SLC25A26: variants seen among roughly 807,000 people sequenced by gnomAD.
The protein encoded by SLC25A26 is solute carrier family 25 member 26.
SLC25A26 carries 36 observed loss-of-function variants against 37.8 expected under a neutral mutation model. The ratio of observed to expected loss-of-function variants is 0.95; its 90% confidence interval spans 0.73 to 1.26. The LOEUF (loss-of-function observed/expected upper bound fraction) is 1.26, where lower values mean the gene tolerates loss of function less well. Ranked by LOEUF, SLC25A26 falls within the 50% of genes most tolerant of loss-of-function variation. The probability of loss-of-function intolerance (pLI) is 0.00; values close to 1 mark genes in which losing one functional copy is unlikely to be tolerated. For missense variants in SLC25A26, 390 were observed against 331.1 expected (o/e 1.18, Z -1.38); for synonymous variants, 129 against 122.5 (o/e 1.05, Z -0.35).
intron 5 of SLC25A26, among the ~76,000 whole-genome samples, chr3:66,296,041 C>A (rs555691700): frequency 1.3e-5 from 2 of 151,822 alleles, no homozygotes; most frequent in Non-Finnish European, 2.9e-5. Flanking sequence ...AGCTTGAACC[C>A]GGGAGGCGGA....
chr3:66,336,846 A>C (rs2076102256), intron 5 of SLC25A26, among the ~76,000 whole-genome samples: 1 of 152,134 alleles, frequency 6.6e-6, no homozygotes, highest in South Asian at 2.1e-4. Context: ...TAGAATTAGT[A>C]ATAGATTTTT....
intron 1 of SLC25A26, among the ~76,000 whole-genome samples, chr3:66,213,562 C>G (rs2071316844): frequency 6.6e-6 from 1 of 151,982 alleles, no homozygotes; most frequent in African/African-American, 2.4e-5. Flanking sequence ...CATGCACAGC[C>G]TATGACATTA....
At chr3:66,312,770 A>G (rs1294588044) in intron 5 of SLC25A26, among the ~76,000 whole-genome samples, 1 of 152,036 alleles carries the variant, frequency 6.6e-6, no homozygotes, top group Non-Finnish European at 1.5e-5. Context: ...CCTGGCCCCT[A>G]GTGCTTCTCG....
chr3:66,371,079 TC>T, intron 9 of SLC25A26: 1 of 1,372,256 alleles, frequency 7.3e-7, no homozygotes, highest in Non-Finnish European at 9.4e-7. Flanking sequence ...GCCTCAGACT[TC>T]TAGCTTCATG....
chr3:66,140,897 C>A (rs558170974), intron 1 of SLC25A26, among the ~76,000 whole-genome samples: 2 of 152,208 alleles, frequency 1.3e-5, no homozygotes, highest in African/African-American at 2.4e-5. Flanking sequence ...AAGTCCCTTG[C>A]AAGACTTTAG....
chr3:66,338,028 T>G (rs372750410), intron 5 of SLC25A26, among the ~76,000 whole-genome samples: 1 of 152,028 alleles, frequency 6.6e-6, no homozygotes, highest in South Asian at 2.1e-4. Context: ...GAAAGTTCTC[T>G]CATCTTCAGT....
chr3:66,370,631 C>A (rs778447177), intron 9 of SLC25A26, 29 bp downstream of exon 9: 1 of 1,583,424 alleles, frequency 6.3e-7, no homozygotes, highest in Admixed American at 1.7e-5. Context: ...TCCTTCCTTT[C>A]TTCCTCTCCA....
At chr3:66,328,981 A>G (rs6803475) in intron 5 of SLC25A26, among the ~76,000 whole-genome samples, 65,073 of 151,922 alleles carry the variant, frequency 0.43, 16,478 homozygotes, top group East Asian at 0.7. Flanking sequence ...TAAAAGTTTC[A>G]TTAGAATTAG....
intron 5 of SLC25A26, among the ~76,000 whole-genome samples, chr3:66,319,015 C>T (rs563885490): frequency 3.3e-5 from 5 of 152,120 alleles, no homozygotes; most frequent in Non-Finnish European, 5.9e-5. Flanking sequence ...GCTATACTTA[C>T]CAACTTTCAC....
At chr3:66,220,863 G>C (rs1559583286), upstream of SLC25A26, 3 of 579,458 alleles carry the variant, frequency 5.2e-6, no homozygotes, top group Non-Finnish European at 9.1e-6. Flanking sequence ...ACCGAGGTAA[G>C]GGATTTGCCG....
chr3:66,331,412 TAAAA>T (rs958510050), intron 5 of SLC25A26, among the ~76,000 whole-genome samples: 53 of 152,254 alleles, frequency 3.5e-4, no homozygotes, highest in African/African-American at 1.2e-3. Flanking sequence ...TAATACCCTT[TAAAA>T]AAATCCCATT....
At chr3:66,193,889 T>C (rs1396855823) in intron 1 of SLC25A26, among the ~76,000 whole-genome samples, 2 of 152,228 alleles carry the variant, frequency 1.3e-5, no homozygotes, top group East Asian at 3.8e-4. Flanking sequence ...AGGCTGTTCC[T>C]AACTGTCAGA....
At chr3:66,326,715 C>T (rs1337667301) in intron 5 of SLC25A26, among the ~76,000 whole-genome samples, 1 of 152,192 alleles carries the variant, frequency 6.6e-6, no homozygotes, top group Non-Finnish European at 1.5e-5. Context: ...TTTTCCACCC[C>T]CACACCCTGC....
intron 1 of SLC25A26, among the ~76,000 whole-genome samples, chr3:66,174,839 C>T (rs954798944): frequency 2.0e-5 from 3 of 149,858 alleles, no homozygotes; most frequent in African/African-American, 7.3e-5. Context: ...TATGAAAAGT[C>T]ACAAAATATT....
intron 9 of SLC25A26, among the ~76,000 whole-genome samples, chr3:66,372,333 G>T (rs536776675): frequency 6.6e-6 from 1 of 152,194 alleles, no homozygotes; most frequent in African/African-American, 2.4e-5. Context: ...TCTGGAGACA[G>T]TGGTGGCAGG....
intron 1 of SLC25A26, among the ~76,000 whole-genome samples, chr3:66,138,164 CAGAG>C (rs766026676): frequency 2.9e-4 from 44 of 152,298 alleles, no homozygotes; most frequent in Non-Finnish European, 5.1e-4. Flanking sequence ...CATTATTAAA[CAGAG>C]AGTATTGCAT....
At chr3:66,205,287 A>G (rs1227977606) in intron 1 of SLC25A26, among the ~76,000 whole-genome samples, 8 of 152,228 alleles carry the variant, frequency 5.3e-5, no homozygotes, top group Non-Finnish European at 8.8e-5. Flanking sequence ...GATTTTAAAT[A>G]ACAAATAAAT....
At chr3:66,244,353 G>A (rs1029567604) in intron 3 of SLC25A26, among the ~76,000 whole-genome samples, 1 of 152,158 alleles carries the variant, frequency 6.6e-6, no homozygotes, top group African/African-American at 2.4e-5. Flanking sequence ...AGAATTTTAT[G>A]GAGAAATGAA....
chr3:66,331,918 TTTTG>T (rs2075983104), intron 5 of SLC25A26, among the ~76,000 whole-genome samples: 2 of 151,964 alleles, frequency 1.3e-5, no homozygotes, highest in South Asian at 2.1e-4. Context: ...CCAAAAAGTT[TTTTG>T]TTTTTTTTTG....
Sources: gnomAD v4.1 joint callset for allele counts (sites outside exome capture counted in the v4.1 genomes callset) on GRCh38, gnomAD v4.1.1 for gene constraint, MANE v1.5 for transcripts, NCBI Gene and HGNC (gene_info 2026-07-23, HGNC 2026-07-21) for gene names.